The following PRUNE2 variants were observed in gnomAD, a reference collection of about 807,000 sequenced individuals.
PRUNE2 encodes the protein prune homolog 2 with BCH domain, also known as protein prune homolog 2.
PRUNE2 carries 164 observed loss-of-function variants against 252.0 expected under a neutral mutation model. The ratio of observed to expected loss-of-function variants is 0.65; its 90% confidence interval spans 0.57 to 0.74. PRUNE2 has a LOEUF of 0.74. PRUNE2 is among the 30% of genes least tolerant of loss of function. The pLI, the probability that PRUNE2 is intolerant of heterozygous loss-of-function variation, is 0.00. For missense variants in PRUNE2, 3,495 were observed against 3,711.0 expected (o/e 0.94, Z 1.51); for synonymous variants, 1,292 against 1,350.2 (o/e 0.96, Z 0.94).
intron 9 of PRUNE2, among the ~76,000 whole-genome samples, chr9:76,658,129 C>T (rs1443628051): frequency 2.6e-5 from 4 of 152,258 alleles, no homozygotes; most frequent in African/African-American, 9.6e-5. Flanking sequence ...GAGGCTGAGG[C>T]GGGTGGGTCA....
In PRUNE2 at chr9:76,613,206, TC is replaced by T. The variant is rs1352418153; in HGVS notation, c.*1363del. On this transcript the variant is annotated 3_prime_UTR_variant, in exon 19 of 19. Transcript: ENST00000376718. ...ATAAATTAGTTTGCAGCCTCATTTG[TC>T]CGTTCTGTTAGAGAAACTATCTAAA... 2 of 152,196 alleles carry T rather than the reference TC, an allele frequency of 1.3e-5. No individual in the cohort carries two copies. Among genetic ancestry groups the T allele is most frequent in the Non-Finnish European group, 2.9e-5 (2 of 68,032 alleles). The allele number at this position is 152,196 out of a possible 1,614,324, so 9.4% of individuals were successfully genotyped here. A position where few individuals can be genotyped will look rare whatever the true frequency, so the allele number is the denominator to read the frequency against.
intron 6 of PRUNE2, among the ~76,000 whole-genome samples, chr9:76,798,600 A>G (rs35372098): frequency 0.17 from 25,279 of 152,160 alleles, 2,315 homozygotes; most frequent in East Asian, 0.34. Flanking sequence ...TGGATGAACA[A>G]TCAAATATTT....
intron 9 of PRUNE2, among the ~76,000 whole-genome samples, chr9:76,680,285 G>A (rs1369655508): frequency 1.4e-4 from 21 of 152,102 alleles, no homozygotes; most frequent in Non-Finnish European, 7.4e-5. Flanking sequence ...TTAGAAAAAT[G>A]CAAATCAAAA....
intron 4 of PRUNE2, among the ~76,000 whole-genome samples, chr9:76,831,627 G>A (rs2058681663): frequency 6.6e-6 from 1 of 152,042 alleles, no homozygotes; most frequent in African/African-American, 2.4e-5. Flanking sequence ...TATTTTAACT[G>A]TATGTTGTAA....
At chr9:76,652,310 T>A (rs903679375) in intron 11 of PRUNE2, 173 bp downstream of exon 11, 1 of 604,960 alleles carries the variant, frequency 1.7e-6, no homozygotes, top group Non-Finnish European at 2.9e-6. Flanking sequence ...CTGTGACCCA[T>A]ACTTTCTCTG....
At chr9:76,718,436 TCCGAGGTTGC>T (rs72496742) in intron 6 of PRUNE2, among the ~76,000 whole-genome samples, 30,868 of 152,054 alleles carry the variant, frequency 0.2, 3,484 homozygotes, top group East Asian at 0.49. Flanking sequence ...TACCAAGCAC[TCCGAGGTTGC>T]CAAATCCAAA....
rs535684314 is a variant in PRUNE2 at position 76,707,372 on chromosome 9, A to G, written c.4902T>C (p.Phe1634=). Residue 1634 remains phenylalanine, a synonymous_variant, in exon 8 of 19, where the codon TTT becomes TTC. Coordinates refer to ENST00000376718, the MANE Select transcript of PRUNE2 (RefSeq NM_015225.3). ...IWNDSVDGDS[F]SSLSSPETGK... is the part of the protein sequence containing the mutation. ...CTGTTTCAGGACTGGATAAAGAGGA[A>G]AAGGAATCACCATCAACTGAGTCAT... The G allele has an allele frequency of 1.4e-4, 225 of 1,614,024 alleles. No homozygotes were observed. The highest frequency in any genetic ancestry group is 1.8e-4 in the Non-Finnish European group (217 of 1,179,882).
At chr9:76,793,254 ATAAT>A (rs1333787245) in intron 6 of PRUNE2, among the ~76,000 whole-genome samples, 1 of 152,226 alleles carries the variant, frequency 6.6e-6, no homozygotes, top group Non-Finnish European at 1.5e-5. Context: ...AATAATGTAA[ATAAT>A]TCTGCACATA....
chr9:76,734,546 C>T (rs910732820), intron 6 of PRUNE2, among the ~76,000 whole-genome samples: 1 of 152,174 alleles, frequency 6.6e-6, no homozygotes, highest in Admixed American at 6.5e-5. Flanking sequence ...AGTTTATCAA[C>T]AGGATTAAAT....
chr9:76,786,334 A>T (rs2054976497), intron 6 of PRUNE2: 2 of 152,276 alleles, frequency 1.3e-5, no homozygotes, highest in Admixed American at 1.3e-4. Context: ...GAAATATTAG[A>T]TTTAAGCTCA....
chr9:76,883,271 A>T (rs968895172), intron 1 of PRUNE2, among the ~76,000 whole-genome samples: 8 of 152,246 alleles, frequency 5.3e-5, no homozygotes, highest in Non-Finnish European at 1.2e-4. Context: ...CCAAGAATCC[A>T]TCTTACTCCC....
chr9:76,652,770 A>G, intron 10 of PRUNE2, 87 bp from the exon 11 acceptor site: 3 of 933,232 alleles, frequency 3.2e-6, no homozygotes, highest in Non-Finnish European at 5.1e-6. Context: ...ATGCTCCAAA[A>G]TCTGAAACTT....
chr9:76,889,919 G>A (rs939256018), intron 1 of PRUNE2, among the ~76,000 whole-genome samples: 6 of 152,182 alleles, frequency 3.9e-5, no homozygotes, highest in African/African-American at 1.2e-4. Flanking sequence ...GCAAAATCCC[G>A]GGTTCTACCC....
At chr9:76,640,796 C>T (rs371679103) in intron 12 of PRUNE2, among the ~76,000 whole-genome samples, 14 of 152,096 alleles carry the variant, frequency 9.2e-5, no homozygotes, top group African/African-American at 3.4e-4. Flanking sequence ...CTCAGCATGA[C>T]GAAAAGACAG....
intron 1 of PRUNE2, among the ~76,000 whole-genome samples, chr9:76,860,002 G>A (rs923957030): frequency 7.2e-5 from 11 of 152,126 alleles, no homozygotes; most frequent in African/African-American, 2.4e-4. Context: ...CGCCCGGCCT[G>A]AAGCCAGGGT....
chr9:76,852,806 G>GTCTGTCTATCTA (rs369240982), intron 2 of PRUNE2, among the ~76,000 whole-genome samples: 3 of 76,478 alleles, frequency 3.9e-5, no homozygotes, highest in Non-Finnish European at 8.3e-5. Flanking sequence ...CTGTCTGTCT[G>GTCTGTCTATCTA]TCTATCTATC....
chr9:76,691,100 T>C (rs1476179131), intron 9 of PRUNE2, among the ~76,000 whole-genome samples: 2 of 152,214 alleles, frequency 1.3e-5, no homozygotes, highest in Non-Finnish European at 2.9e-5. Context: ...TGGAATAGAC[T>C]CATGCAGGAG....
chr9:76,863,636 T>A (rs1474515483), intron 1 of PRUNE2, among the ~76,000 whole-genome samples: 1 of 152,178 alleles, frequency 6.6e-6, no homozygotes, highest in Non-Finnish European at 1.5e-5. Context: ...ATCATTTGAG[T>A]ACTAAACAAC....
intron 2 of PRUNE2, among the ~76,000 whole-genome samples, chr9:76,851,126 T>C (rs920473113): frequency 2.0e-5 from 3 of 151,944 alleles, no homozygotes; most frequent in African/African-American, 7.3e-5. Context: ...ATTAGGACAA[T>C]TGAGGCAGGG....
Sources: gnomAD v4.1 joint callset for allele counts (sites outside exome capture counted in the v4.1 genomes callset) on GRCh38, gnomAD v4.1.1 for gene constraint, MANE v1.5 for transcripts, NCBI Gene and HGNC (gene_info 2026-07-23, HGNC 2026-07-21) for gene names.